BRINP1: variants seen among roughly 807,000 people sequenced by gnomAD.
BRINP1 encodes the protein BMP/retinoic acid inducible neural specific 1.
A neutral mutation model predicts 72.9 loss-of-function variants in BRINP1; 17 were observed. The ratio of observed to expected loss-of-function variants is 0.23; its 90% CI spans 0.16 to 0.35. The LOEUF (loss-of-function observed/expected upper bound fraction) is 0.35, where lower values mean the gene tolerates loss of function less well. Among genes scored for constraint, BRINP1 ranks in the 10% least tolerant of loss-of-function variants. BRINP1 has a pLI of 1.00. For synonymous variants in BRINP1, 418 were observed against 378.5 expected (o/e 1.10, Z -1.21); for missense variants, 850 against 1,001.6 (o/e 0.85, Z 2.04).
At chr9:119,200,789 A>T (rs141359507) in intron 7 of BRINP1, among the ~76,000 whole-genome samples, 41 of 152,118 alleles carry the variant, frequency 2.7e-4, no homozygotes, top group Middle Eastern at 3.4e-3. Flanking sequence ...GTTCTTGAGG[A>T]AGGAATCTTT....
chr9:119,172,471 A>G (rs1275842156), intron 7 of BRINP1, among the ~76,000 whole-genome samples: 1 of 152,086 alleles, frequency 6.6e-6, no homozygotes. Flanking sequence ...ACAGGATCTG[A>G]AATTGTGGCA....
chr9:119,224,980 C>T (rs1309170740), intron 5 of BRINP1, among the ~76,000 whole-genome samples: 2 of 151,956 alleles, frequency 1.3e-5, no homozygotes, highest in Non-Finnish European at 2.9e-5. Context: ...TATTTTTACA[C>T]CAAATCTTTT....
At chr9:119,201,775 G>A (rs1327302482) in intron 7 of BRINP1, among the ~76,000 whole-genome samples, 1 of 152,170 alleles carries the variant, frequency 6.6e-6, no homozygotes. Context: ...CCTTTCAGTG[G>A]CTGACACGAG....
intron 7 of BRINP1, among the ~76,000 whole-genome samples, chr9:119,181,327 C>T (rs1324765769): frequency 6.6e-6 from 1 of 152,172 alleles, no homozygotes; most frequent in Non-Finnish European, 1.5e-5. Flanking sequence ...GATCTATGAT[C>T]TTGGCAGTGA....
At chr9:119,262,286 A>AC (rs1300439402) in intron 2 of BRINP1, among the ~76,000 whole-genome samples, 1 of 152,030 alleles carries the variant, frequency 6.6e-6, no homozygotes, top group Admixed American at 6.6e-5. Flanking sequence ...ACTGCATCAT[A>AC]TTTCTTACTT....
chr9:119,213,206 C>A (rs78769013), intron 6 of BRINP1, among the ~76,000 whole-genome samples: 1,653 of 152,288 alleles, frequency 0.011, 28 homozygotes, highest in African/African-American at 0.037. Context: ...TTCACAGCAA[C>A]TCCTCCCTTT....
chr9:119,257,478 C>A (rs112567215), intron 2 of BRINP1, among the ~76,000 whole-genome samples: 2 of 152,156 alleles, frequency 1.3e-5, no homozygotes, highest in Admixed American at 6.5e-5. Context: ...TGACATTGAA[C>A]CCCGAATAAA....
intron 1 of BRINP1, among the ~76,000 whole-genome samples, chr9:119,364,191 T>C (rs1044330503): frequency 1.3e-5 from 2 of 152,184 alleles, no homozygotes; most frequent in African/African-American, 4.8e-5. Context: ...GAAATAATTA[T>C]GTTTTCATAA....
chr9:119,174,363 A>G (rs1829456270), intron 7 of BRINP1, among the ~76,000 whole-genome samples: 1 of 150,678 alleles, frequency 6.6e-6, no homozygotes, highest in Admixed American at 6.6e-5. Context: ...AACACATGAA[A>G]AAATGCTCAT....
chr9:119,323,095 G>C (rs1158368514), intron 1 of BRINP1, among the ~76,000 whole-genome samples: 1 of 152,140 alleles, frequency 6.6e-6, no homozygotes, highest in Non-Finnish European at 1.5e-5. Context: ...TGGAGTTTGA[G>C]TGGCCTCTGA....
chr9:119,292,099 A>C (rs987680209), intron 2 of BRINP1, among the ~76,000 whole-genome samples: 1 of 152,238 alleles, frequency 6.6e-6, no homozygotes, highest in Non-Finnish European at 1.5e-5. Context: ...GCTAGAAAGA[A>C]GCTCAGAAAA....
chr9:119,317,902 T>C (rs189853229), intron 1 of BRINP1, among the ~76,000 whole-genome samples: 60 of 152,314 alleles, frequency 3.9e-4, no homozygotes, highest in African/African-American at 1.1e-3. Flanking sequence ...ATACATTGTT[T>C]TCTGAGACAC....
intron 3 of BRINP1, 27 bp downstream of exon 3, chr9:119,248,933 G>A: frequency 1.3e-6 from 2 of 1,597,026 alleles, no homozygotes; most frequent in Non-Finnish European, 1.7e-6. Flanking sequence ...TCATGAGAAG[G>A]CTCTGGCCCA....
chr9:119,222,108 C>T (rs887036000), intron 5 of BRINP1, among the ~76,000 whole-genome samples: 1 of 152,060 alleles, frequency 6.6e-6, no homozygotes, highest in Admixed American at 6.6e-5. Flanking sequence ...CTATAGAAAA[C>T]AACATATGAG....
At chr9:119,352,145 C>T (rs982871058) in intron 1 of BRINP1, among the ~76,000 whole-genome samples, 4 of 152,106 alleles carry the variant, frequency 2.6e-5, no homozygotes, top group Non-Finnish European at 1.5e-5. Context: ...CTTAGGTATC[C>T]GTAAAGTCAG....
intron 5 of BRINP1, among the ~76,000 whole-genome samples, chr9:119,234,029 T>C (rs1430581300): frequency 6.6e-6 from 1 of 152,214 alleles, no homozygotes; most frequent in Non-Finnish European, 1.5e-5. Context: ...TATGACAATT[T>C]ATTTATCCAT....
chr9:119,276,699 T>G (rs1389408397), intron 2 of BRINP1, among the ~76,000 whole-genome samples: 1 of 152,202 alleles, frequency 6.6e-6, no homozygotes, highest in Non-Finnish European at 1.5e-5. Context: ...GGGTAGATAC[T>G]GAGAGATGGT....
Position 119,294,853 on chromosome 9 carries a change from T to TAAA in BRINP1, c.218+18282_218+18284dup, listed in dbSNP as rs59715609. Among the ~76,000 whole-genome samples, 535 of 128,014 alleles carry TAAA rather than the reference T, an allele frequency of 4.2e-3. 5 individuals carry two copies. Among genetic ancestry groups the TAAA allele is most frequent in the African/African-American group, 0.015 (505 of 34,786 alleles). 84.0% of individuals were successfully genotyped at this position (128,014 alleles called of 152,430 possible). The stretch of plus-strand genomic sequence containing the variant: ...CCTGAGCAACAGAGTGACACTACGT[T>TAAA]AAAAAAAAAAAAAAAAAAGACACAC... On this transcript the variant is annotated intron_variant, in intron 2 of 7. Coordinates refer to ENST00000265922, the MANE Select transcript of BRINP1 (RefSeq NM_014618.3).
At chr9:119,269,496 T>C (rs973343134) in intron 2 of BRINP1, among the ~76,000 whole-genome samples, 4 of 152,190 alleles carry the variant, frequency 2.6e-5, no homozygotes, top group Non-Finnish European at 5.9e-5. Context: ...TCTTACTCCA[T>C]GGTTTCTTTT....
Sources: allele counts gnomAD v4.1 joint callset (sites outside exome capture counted in the v4.1 genomes callset), GRCh38; gene constraint gnomAD v4.1.1; transcripts MANE v1.5; gene names NCBI Gene and HGNC (gene_info 2026-07-23, HGNC 2026-07-21).